The following NELL2 variants were observed in gnomAD, a reference collection of about 807,000 sequenced individuals.
NELL2 encodes the protein neural EGFL like 2, also known as protein kinase C-binding protein NELL2.
In NELL2, 41 loss-of-function variants were observed where a neutral mutation model predicts 109.6. That is an observed-to-expected ratio of 0.37 (90% CI 0.29 to 0.49). The LOEUF (loss-of-function observed/expected upper bound fraction) is 0.49. Among genes scored for constraint, NELL2 ranks in the 20% least tolerant of loss-of-function variants. The probability of loss-of-function intolerance (pLI) is 0.98; values close to 1 mark genes in which losing one functional copy is unlikely to be tolerated. For missense variants in NELL2, 900 were observed against 1,008.3 expected, an observed-to-expected ratio of 0.89 and a Z score of 1.45; for synonymous variants, 355 against 344.7, an observed-to-expected ratio of 1.03 and a Z score of -0.33.
At chr12:44,884,686 T>A (rs1945451092) in intron 1 of NELL2, among the ~76,000 whole-genome samples, 1 of 152,016 alleles carries the variant, frequency 6.6e-6, no homozygotes, top group Admixed American at 6.5e-5. Context: ...ATAGAAAGGA[T>A]AATAAACTAC....
chr12:44,682,962 A>G (rs1033274175), intron 12 of NELL2, among the ~76,000 whole-genome samples: 1 of 152,210 alleles, frequency 6.6e-6, no homozygotes. Context: ...GAAGAAAGTC[A>G]TAGGTAGTTT....
chr12:44,685,592 C>G (rs1948687169), intron 12 of NELL2, among the ~76,000 whole-genome samples: 1 of 152,042 alleles, frequency 6.6e-6, no homozygotes, highest in Non-Finnish European at 1.5e-5. Context: ...CCTTCAGGAG[C>G]TCTTTTATGG....
intron 2 of NELL2, among the ~76,000 whole-genome samples, chr12:44,831,162 T>C (rs1034328361): frequency 2.0e-5 from 3 of 152,090 alleles, no homozygotes; most frequent in South Asian, 2.1e-4. Context: ...CTGTATAAAA[T>C]ACAGAAGATT....
chr12:44,768,269 A>G (rs182455671), intron 9 of NELL2, among the ~76,000 whole-genome samples: 161 of 152,090 alleles, frequency 1.1e-3, no homozygotes, highest in Non-Finnish European at 2.0e-3. Flanking sequence ...ATCATTTTTT[A>G]TAATGTTTAA....
intron 3 of NELL2, chr12:44,815,782 C>A (rs1943325222): frequency 2.2e-6 from 1 of 460,308 alleles, no homozygotes. Flanking sequence ...CCAAGCCCAG[C>A]TAATTTTTGT....
intron 13 of NELL2, among the ~76,000 whole-genome samples, chr12:44,637,462 C>A (rs1946683300): frequency 2.1e-5 from 3 of 144,064 alleles, no homozygotes; most frequent in Non-Finnish European, 4.5e-5. Context: ...TAAGCTGATA[C>A]ACAAATCACA....
At chr12:44,637,487 A>C (rs550710130) in intron 13 of NELL2, among the ~76,000 whole-genome samples, 93 of 140,356 alleles carry the variant, frequency 6.6e-4, no homozygotes, top group African/African-American at 2.4e-3. Flanking sequence ...GTGTTATGAA[A>C]GAAAAAGTGT....
intron 13 of NELL2, among the ~76,000 whole-genome samples, chr12:44,618,287 T>C (rs892471054): frequency 1.3e-5 from 2 of 152,168 alleles, no homozygotes; most frequent in Non-Finnish European, 2.9e-5. Flanking sequence ...TACTGACTTC[T>C]TGTTATTCTT....
rs1259846239 is a variant in NELL2 at position 44,913,799 on chromosome 12, A to ATT, written c.36_37dup (p.Ile13LysfsTer2). On this transcript the variant is annotated frameshift_variant and splice_region_variant, in exon 1 of 21. Coordinates refer to the NELL2 transcript ENST00000333837. LOFTEE classifies it high-confidence loss of function. ...ATTAAAATGATAAGAAAGAACTCAC[A>ATT]TTTTGAGGATTAAAATGAGAAGTCT... is the stretch of plus-strand genomic sequence containing the variant. 3 of 827,284 alleles carry ATT rather than the reference A, an allele frequency of 3.6e-6. No homozygotes were observed. In the African/African-American group the frequency reaches 5.3e-5, roughly 15 times the overall value. 51.2% of individuals were successfully genotyped at this position (827,284 alleles called of 1,614,324 possible).
intron 2 of NELL2, among the ~76,000 whole-genome samples, chr12:44,845,091 T>G (rs1453514443): frequency 6.6e-6 from 1 of 152,124 alleles, no homozygotes; most frequent in African/African-American, 2.4e-5. Flanking sequence ...CTTTCCTTCT[T>G]TATAAACTAG....
Position 44,711,263 on chromosome 12 carries a change from G to A in NELL2, c.1189+29C>T, listed in dbSNP as rs748650546. 28 of 1,530,798 alleles carry A rather than the reference G, an allele frequency of 1.8e-5. 1 individual carries two copies. The highest frequency in any genetic ancestry group is 1.7e-4 in the Middle Eastern group (1 of 5,914). 94.8% of individuals were successfully genotyped at this position (1,530,798 alleles called of 1,614,324 possible). A position where few individuals can be genotyped will look rare whatever the true frequency, so the allele number is the denominator to read the frequency against. ...TAGCCTACTATAATAACTCTTGCAC[G>A]TAAACCTTACTTTTCAAAAAAGTCT... On this transcript the variant is annotated intron_variant, in intron 11 of 19. Transcript: ENST00000429094.
chr12:44,697,882 T>A (rs888168280), intron 12 of NELL2, among the ~76,000 whole-genome samples: 1 of 152,190 alleles, frequency 6.6e-6, no homozygotes, highest in Non-Finnish European at 1.5e-5. Flanking sequence ...TTTTGGAGGC[T>A]AGAAGTCCAA....
chr12:44,872,711 T>C (rs1945198402), intron 2 of NELL2, among the ~76,000 whole-genome samples: 1 of 152,196 alleles, frequency 6.6e-6, no homozygotes, highest in Non-Finnish European at 1.5e-5. Flanking sequence ...ATTTAGAACA[T>C]ATCTGATAGC....
chr12:44,858,165 C>T (rs543336591), intron 2 of NELL2, among the ~76,000 whole-genome samples: 13 of 152,250 alleles, frequency 8.5e-5, no homozygotes, highest in African/African-American at 2.9e-4. Context: ...TATTACTATG[C>T]CAATTGAGGC....
chr12:44,737,064 A>C (rs1200002906), intron 9 of NELL2, among the ~76,000 whole-genome samples: 1 of 152,118 alleles, frequency 6.6e-6, no homozygotes, highest in Non-Finnish European at 1.5e-5. Flanking sequence ...AATTTTATCA[A>C]AATATTGATA....
chr12:44,564,021 G>A (rs1253050662), intron 15 of NELL2, among the ~76,000 whole-genome samples: 1 of 152,118 alleles, frequency 6.6e-6, no homozygotes, highest in African/African-American at 2.4e-5. Flanking sequence ...TACATAAATA[G>A]GATGATAACA....
chr12:44,833,715 C>A (rs1943958307), intron 2 of NELL2, among the ~76,000 whole-genome samples: 1 of 152,190 alleles, frequency 6.6e-6, no homozygotes, highest in Admixed American at 6.5e-5. Flanking sequence ...GCAAGGTTTA[C>A]AACCTTGGAC....
intron 13 of NELL2, among the ~76,000 whole-genome samples, chr12:44,660,829 T>A (rs2136331717): frequency 6.6e-6 from 1 of 152,290 alleles, no homozygotes; most frequent in Non-Finnish European, 1.5e-5. Context: ...TTACTCAAAA[T>A]TCTTGATTCT....
intron 15 of NELL2, among the ~76,000 whole-genome samples, chr12:44,601,365 T>A (rs1176181816): frequency 6.6e-6 from 1 of 152,176 alleles, no homozygotes; most frequent in Non-Finnish European, 1.5e-5. Flanking sequence ...TTGACTACTT[T>A]TTGAATAATA....
Sources: gnomAD v4.1 joint callset for allele counts (sites outside exome capture counted in the v4.1 genomes callset) on GRCh38, gnomAD v4.1.1 for gene constraint, MANE v1.5 for transcripts, NCBI Gene and HGNC (gene_info 2026-07-23, HGNC 2026-07-21) for gene names.